The following ARID1B variants were observed in gnomAD, a reference collection of about 807,000 sequenced individuals.
ARID1B encodes the protein AT-rich interaction domain 1B, also known as AT-rich interactive domain-containing protein 1B.
ARID1B carries 30 observed loss-of-function variants against 212.3 expected under a neutral mutation model. The ratio of observed to expected loss-of-function variants is 0.14; its 90% CI spans 0.11 to 0.19. The LOEUF is 0.19. Among genes scored for constraint, ARID1B ranks in the 10% least tolerant of loss-of-function variants. The pLI, the probability that ARID1B is intolerant of heterozygous loss-of-function variation, is 1.00. For missense variants in ARID1B, 2,891 were observed against 3,204.0 expected (o/e 0.90, Z 2.36); for synonymous variants, 1,402 against 1,301.7 (o/e 1.08, Z -1.66).
intron 7 of ARID1B, among the ~76,000 whole-genome samples, chr6:157,136,264 A>C (rs1420019077): frequency 6.6e-6 from 1 of 152,162 alleles, no homozygotes; most frequent in African/African-American, 2.4e-5. Flanking sequence ...CCATTCTCTT[A>C]ATTAACGGGA....
At chr6:157,006,863 G>T (rs759500480) in intron 4 of ARID1B, among the ~76,000 whole-genome samples, 1 of 152,156 alleles carries the variant, frequency 6.6e-6, no homozygotes, top group Admixed American at 6.5e-5. Flanking sequence ...CTTTTTTCAC[G>T]TGGAAGTAAT....
In ARID1B at chr6:157,206,285, C is replaced by T. The variant is rs1794443522; in HGVS notation, c.5513C>T (p.Ala1838Val). Residue 1838 changes from alanine to valine, a missense_variant, in exon 20 of 20, where the codon GCA becomes GTA. Physicochemically the swap from Ala to Val is moderately conservative, Grantham distance 64. Coordinates refer to ENST00000636930, the MANE Select transcript of ARID1B (RefSeq NM_001374828.1). The surrounding 1 kb of genome is among the most constrained non-coding windows in gnomAD (Gnocchi z 6.8). ...DPSQKALDHN[A>V]ARKDDSQSLA... Reference sequence around the variant, plus strand: ...AGCCAAAAAGCACTTGATCACAACGCAGCAAGGAAGGATGACAGCCAGTCC... The same window carrying T: ...AGCCAAAAAGCACTTGATCACAACGTAGCAAGGAAGGATGACAGCCAGTCC... 4.3e-6 allele frequency: 7 copies of T among 1,614,114 alleles called. No individual in the cohort carries two copies. Among genetic ancestry groups the T allele is most frequent in the Non-Finnish European group, 5.9e-6 (7 of 1,180,024 alleles).
intron 5 of ARID1B, among the ~76,000 whole-genome samples, chr6:157,101,640 CT>C (rs112437534): frequency 4.0e-3 from 587 of 145,108 alleles, no homozygotes; most frequent in Non-Finnish European, 4.0e-3. Context: ...AGTGAGTACT[CT>C]TTTTTTTTTT....
chr6:156,964,685 C>T (rs11961778), intron 4 of ARID1B, among the ~76,000 whole-genome samples: 126 of 152,212 alleles, frequency 8.3e-4, no homozygotes, highest in African/African-American at 2.9e-3. Flanking sequence ...GACAGCTTAA[C>T]CTCAGTTGAA....
At chr6:157,154,390 C>T (rs889268323) in intron 8 of ARID1B, among the ~76,000 whole-genome samples, 1 of 152,070 alleles carries the variant, frequency 6.6e-6, no homozygotes, top group Non-Finnish European at 1.5e-5. Context: ...CATAAGGACA[C>T]AGAGTTTCAA....
rs1163351384 is a variant in ARID1B, at chr6:156,854,507, T to C, written c.1986+25086T>C. Among the ~76,000 whole-genome samples, 3 of 152,374 alleles carry C rather than the reference T, an allele frequency of 2.0e-5. No individual in the cohort carries two copies. In the East Asian group the frequency reaches 5.8e-4, roughly 29 times the overall value. Reference sequence around the variant, plus strand: ...GTGTCTGCTTGGTTCCTCCAGGCTCTGGGATGTTAAGCTTATTAAATAGCC... The same window carrying C: ...GTGTCTGCTTGGTTCCTCCAGGCTCCGGGATGTTAAGCTTATTAAATAGCC... On this transcript the variant is annotated intron_variant, in intron 2 of 19. Coordinates refer to ENST00000636930, the MANE Select transcript of ARID1B (RefSeq NM_001374828.1).
chr6:156,907,916 A>C (rs1320814815), intron 3 of ARID1B, among the ~76,000 whole-genome samples: 1 of 152,016 alleles, frequency 6.6e-6, no homozygotes, highest in Non-Finnish European at 1.5e-5. Flanking sequence ...AAAAAAAAAA[A>C]AAAAAAAAGA....
chr6:156,974,588 A>G (rs1355960169), intron 4 of ARID1B, among the ~76,000 whole-genome samples: 2 of 152,236 alleles, frequency 1.3e-5, no homozygotes, highest in African/African-American at 2.4e-5. Flanking sequence ...CATATTTTAT[A>G]TTAATGAAAT....
intron 3 of ARID1B, among the ~76,000 whole-genome samples, chr6:156,915,475 G>C (rs1395317937): frequency 2.0e-5 from 3 of 152,098 alleles, no homozygotes; most frequent in Non-Finnish European, 4.4e-5. Context: ...GGCTGAGGGA[G>C]GAGAATCGCT....
chr6:156,893,135 T>C (rs1582889824), intron 2 of ARID1B, among the ~76,000 whole-genome samples: 1 of 148,266 alleles, frequency 6.7e-6, no homozygotes, highest in East Asian at 1.9e-4. Context: ...CTCCGCCTCC[T>C]GGGTTCATGT....
At chr6:156,858,291 A>C (rs1374838045) in intron 2 of ARID1B, among the ~76,000 whole-genome samples, 2 of 152,230 alleles carry the variant, frequency 1.3e-5, no homozygotes, top group Admixed American at 1.3e-4. Context: ...TACTGTTAGA[A>C]GGAATAAGAT....
At chr6:157,171,377 T>G (rs1791708666) in intron 9 of ARID1B, among the ~76,000 whole-genome samples, 1 of 152,250 alleles carries the variant, frequency 6.6e-6, no homozygotes, top group East Asian at 1.9e-4. Flanking sequence ...GTGCCTTGAT[T>G]TAACACGTCC....
chr6:156,866,798 A>G (rs544265619), intron 2 of ARID1B, among the ~76,000 whole-genome samples: 3 of 152,274 alleles, frequency 2.0e-5, no homozygotes, highest in African/African-American at 4.8e-5. Flanking sequence ...TGTCACAGAC[A>G]TTAAAATGTA....
At chr6:156,987,498 T>A (rs1279924940) in intron 4 of ARID1B, among the ~76,000 whole-genome samples, 1 of 152,142 alleles carries the variant, frequency 6.6e-6, no homozygotes, top group Non-Finnish European at 1.5e-5. Flanking sequence ...ACCCGGCTAA[T>A]TTTTTATATT....
At chr6:156,981,861 A>C (rs537574273) in intron 4 of ARID1B, among the ~76,000 whole-genome samples, 1 of 152,170 alleles carries the variant, frequency 6.6e-6, no homozygotes, top group Non-Finnish European at 1.5e-5. Context: ...CCCTCCAACA[A>C]CTGGGCAGTG....
intron 4 of ARID1B, among the ~76,000 whole-genome samples, chr6:157,030,944 C>T (rs1326755772): frequency 6.6e-6 from 1 of 152,142 alleles, no homozygotes; most frequent in Non-Finnish European, 1.5e-5. Flanking sequence ...GCTAACGGTG[C>T]ACTGAGCGAT....
chr6:157,117,421 C>T (rs979504320), intron 6 of ARID1B, among the ~76,000 whole-genome samples: 2 of 152,138 alleles, frequency 1.3e-5, no homozygotes, highest in African/African-American at 4.8e-5. Context: ...GAGTAGAATT[C>T]CTTATCAGAT....
At position 157,209,195 on chromosome 6, in the gene ARID1B, T is replaced by G. The variant is rs951868351; in HGVS notation, c.*1304T>G. 1 of 230,838 alleles carries G rather than the reference T, an allele frequency of 4.3e-6. No homozygotes were observed. Among genetic ancestry groups the G allele is most frequent in the African/African-American group, 2.2e-5 (1 of 45,236 alleles). The allele number at this position is 230,838 out of a possible 1,614,324, so 14.3% of individuals were successfully genotyped here. A position where few individuals can be genotyped will look rare whatever the true frequency, so the allele number is the denominator to read the frequency against. On this transcript the variant is annotated 3_prime_UTR_variant, in exon 20 of 20. Coordinates refer to ENST00000636930, the MANE Select transcript of ARID1B (RefSeq NM_001374828.1). ...TTTCCTCTGGCTTAATGAATATCAT[T>G]TATTCAGTATAAAATCTTTATATGT... is the stretch of plus-strand genomic sequence containing the variant.
rs181659143 is a variant in ARID1B, at chr6:157,199,452, A to G, written c.4479+545A>G. Reference sequence around the variant, plus strand: ...AAGTTACGCAGGATCTCCCCCTTACAGTGACCAGTGCCGCTGCAGGAACCG... The same window carrying G: ...AAGTTACGCAGGATCTCCCCCTTACGGTGACCAGTGCCGCTGCAGGAACCG... On this transcript the variant is annotated intron_variant, in intron 17 of 19. Transcript: ENST00000636930. Among the ~76,000 whole-genome samples, 881 of 152,180 alleles carry G rather than the reference A, an allele frequency of 5.8e-3. 3 individuals carry two copies. Among genetic ancestry groups the G allele is most frequent in the South Asian group, 0.02 (94 of 4,814 alleles).
Sources: gnomAD v4.1 joint callset for allele counts (sites outside exome capture counted in the v4.1 genomes callset) on GRCh38, gnomAD v4.1.1 for gene constraint, Gnocchi (gnomAD v3.1) non-coding constraint, MANE v1.5 for transcripts, NCBI Gene and HGNC (gene_info 2026-07-23, HGNC 2026-07-21) for gene names.